Variants in NCK2 observed in about 807,000 individuals in gnomAD.
NCK2 encodes NCK adaptor protein 2, also known as cytoplasmic protein NCK2.
NCK2 carries 16 observed loss-of-function variants against 33.9 expected under a neutral mutation model. The ratio of observed to expected loss-of-function variants is 0.47; its 90% CI spans 0.32 to 0.72. The LOEUF (loss-of-function observed/expected upper bound fraction) is 0.72. NCK2 is among the 30% of genes least tolerant of loss of function. The probability of loss-of-function intolerance (pLI) is 0.03; values close to 1 mark genes in which losing one functional copy is unlikely to be tolerated. For synonymous variants in NCK2, 273 were observed against 239.9 expected (o/e 1.14, Z -1.27); for missense variants, 418 against 537.3 (o/e 0.78, Z 2.19).
intron 1 of NCK2, among the ~76,000 whole-genome samples, chr2:105,810,094 T>C (rs1030661089): frequency 6.6e-6 from 1 of 152,188 alleles, no homozygotes; most frequent in African/African-American, 2.4e-5. Context: ...TTCCTGGGCC[T>C]CAGCTTAGCA....
intron 1 of NCK2, among the ~76,000 whole-genome samples, chr2:105,759,284 G>A (rs1378129017): frequency 1.3e-5 from 2 of 152,168 alleles, no homozygotes; most frequent in Admixed American, 6.5e-5. Context: ...CACATAGTAC[G>A]TTCTCTGGGG....
chr2:105,794,949 TC>T (rs1197265911), intron 1 of NCK2, among the ~76,000 whole-genome samples: 1 of 152,192 alleles, frequency 6.6e-6, no homozygotes, highest in Admixed American at 6.5e-5. Flanking sequence ...CCTACTCTTT[TC>T]CATCACCATT....
chr2:105,763,276 G>A (rs748625327), intron 1 of NCK2, among the ~76,000 whole-genome samples: 4 of 152,184 alleles, frequency 2.6e-5, no homozygotes, highest in Non-Finnish European at 5.9e-5. Context: ...GCGGGACCTC[G>A]CCAGGGACCA....
chr2:105,842,957 C>G (rs1229792202), intron 2 of NCK2, among the ~76,000 whole-genome samples: 1 of 152,252 alleles, frequency 6.6e-6, no homozygotes, highest in African/African-American at 2.4e-5. Context: ...AGATAAAATA[C>G]CATCAGGCTT....
chr2:105,884,262 G>A (rs769162706), intron 4 of NCK2, among the ~76,000 whole-genome samples: 23 of 151,830 alleles, frequency 1.5e-4, no homozygotes, highest in African/African-American at 4.1e-4. Context: ...GCCTCCCCCC[G>A]TCCCCATGTG....
rs190666039 is a variant in NCK2 at position 105,822,800 on chromosome 2, C to A, written c.-17+6187C>A. Among the ~76,000 whole-genome samples, 971 of 152,092 alleles carry A rather than the reference C, an allele frequency of 6.4e-3. 11 individuals carry two copies. Among genetic ancestry groups the A allele is most frequent in the Non-Finnish European group, 0.01 (712 of 68,024 alleles). On this transcript the variant is annotated intron_variant, in intron 2 of 4. Transcript: ENST00000233154. ...ATTTACAAAGGAATTTTCGTGAATT[C>A]TCTTTAATGCCAGGTGATATGGATA...
chr2:105,803,811 A>C (rs1180170878), intron 1 of NCK2, among the ~76,000 whole-genome samples: 1 of 152,136 alleles, frequency 6.6e-6, no homozygotes, highest in African/African-American at 2.4e-5. Context: ...GCTTTTATAA[A>C]CTGCAGATGT....
At chr2:105,769,025 C>T (rs62154120) in intron 1 of NCK2, among the ~76,000 whole-genome samples, 37,359 of 152,024 alleles carry the variant, frequency 0.25, 5,184 homozygotes, top group Middle Eastern at 0.38. Context: ...TCTAATCACA[C>T]GTTTTGTCTT....
At chr2:105,793,933 G>A (rs1690982397) in intron 1 of NCK2, among the ~76,000 whole-genome samples, 1 of 152,084 alleles carries the variant, frequency 6.6e-6, no homozygotes, top group African/African-American at 2.4e-5. Context: ...AGCCTTTTCA[G>A]TGGATAAAAG....
chr2:105,760,652 CCTT>C (rs911097796), intron 1 of NCK2, among the ~76,000 whole-genome samples: 3 of 152,100 alleles, frequency 2.0e-5, no homozygotes, highest in Admixed American at 6.6e-5. Context: ...ATAACTTCAT[CCTT>C]CTTTTGGTGG....
intron 1 of NCK2, among the ~76,000 whole-genome samples, chr2:105,802,516 T>G (rs2104449360): frequency 6.6e-6 from 1 of 152,260 alleles, no homozygotes; most frequent in African/African-American, 2.4e-5. Flanking sequence ...TGCTTTCCAC[T>G]CATGGCAGAA....
intron 4 of NCK2, among the ~76,000 whole-genome samples, chr2:105,889,481 C>T (rs971974895): frequency 2.0e-5 from 3 of 152,092 alleles, no homozygotes; most frequent in African/African-American, 7.2e-5. Flanking sequence ...TTAAAACACA[C>T]GGTGCTGGAG....
upstream of NCK2, among the ~76,000 whole-genome samples, chr2:105,744,668 C>G (rs1241198951): frequency 6.6e-6 from 1 of 151,816 alleles, no homozygotes; most frequent in East Asian, 1.9e-4. Context: ...CGCAGCCCCG[C>G]GCTATCCCGG....
intron 1 of NCK2, among the ~76,000 whole-genome samples, chr2:105,783,235 G>A (rs906858275): frequency 6.6e-6 from 1 of 152,198 alleles, no homozygotes; most frequent in African/African-American, 2.4e-5. Context: ...AAGATGGAAA[G>A]TAATGGCAGT....
intron 4 of NCK2, among the ~76,000 whole-genome samples, chr2:105,886,274 C>T (rs1456731075): frequency 1.3e-5 from 2 of 152,234 alleles, no homozygotes; most frequent in Admixed American, 1.3e-4. Flanking sequence ...CAAGATCATG[C>T]AGTACAGGCT....
chr2:105,872,616 A>G (rs559200692), intron 3 of NCK2, among the ~76,000 whole-genome samples: 4 of 152,260 alleles, frequency 2.6e-5, no homozygotes, highest in African/African-American at 9.6e-5. Context: ...CAGGCTGAGC[A>G]TTAAACAACA....
At chr2:105,830,029 A>T (rs1489885191) in intron 2 of NCK2, among the ~76,000 whole-genome samples, 1 of 152,144 alleles carries the variant, frequency 6.6e-6, no homozygotes, top group Non-Finnish European at 1.5e-5. Flanking sequence ...ATACCTGTAT[A>T]TAGTGTGTAA....
chr2:105,855,233 A>C lies in NCK2; in HGVS notation c.170A>C (p.Glu57Ala). ...GGCTATGTACCGTCCAACTACGTGG[A>C]GCGGAAGAACAGCCTGAAGAAGGGC... ...RTGYVPSNYVERKNSLKKGSL... is the reference protein window; with the variant it reads ...RTGYVPSNYVARKNSLKKGSL... Residue 57 changes from glutamate to alanine, a missense_variant, in exon 3 of 5, where the codon GAG becomes GCG. Glu to Ala is a moderately radical substitution (Grantham distance 107). Transcript: ENST00000233154. 6.2e-7 allele frequency: 1 copy of C among 1,613,686 alleles called. No homozygotes were observed. The highest frequency in any genetic ancestry group is 8.5e-7 in the Non-Finnish European group (1 of 1,179,840).
chr2:105,891,083 C>T lies in NCK2; in HGVS notation c.949-1899C>T, dbSNP rs3769488. ...CTCGGAGAGCACATGCTCAGCTCCA[C>T]ATTGTCCAGAGGGCTCTCCTGCCCC... On this transcript the variant is annotated intron_variant, in intron 4 of 4. Coordinates refer to ENST00000233154, the MANE Select transcript of NCK2 (RefSeq NM_003581.5). Among the ~76,000 whole-genome samples, 6 of 152,226 alleles carry T rather than the reference C, an allele frequency of 3.9e-5. No homozygotes were observed. In the East Asian group the frequency reaches 1.2e-3, roughly 29 times the overall value.
Sources: gnomAD v4.1 joint callset for allele counts (sites outside exome capture counted in the v4.1 genomes callset) on GRCh38, gnomAD v4.1.1 for gene constraint, MANE v1.5 for transcripts, NCBI Gene and HGNC (gene_info 2026-07-23, HGNC 2026-07-21) for gene names.